ZC4H2: variants seen among roughly 807,000 people sequenced by gnomAD.
ZC4H2 encodes zinc finger C4H2 domain-containing protein.
For synonymous variants in ZC4H2, 84 were observed against 66.3 expected, an observed-to-expected ratio of 1.27 and a Z score of -1.30; for missense variants, 137 against 173.9, an observed-to-expected ratio of 0.79 and a Z score of 1.19.
chrX:64,954,368 A>T (rs1236672828), intron 1 of ZC4H2, among the ~76,000 whole-genome samples: 3 of 75,626 alleles, frequency 4.0e-5, no homozygotes, highest in Admixed American at 2.9e-4. Context: ...ATATATATAT[A>T]TATAATTATA....
At chrX:65,017,199 C>G (rs1431247679) in intron 1 of ZC4H2, among the ~76,000 whole-genome samples, 4 of 111,945 alleles carry the variant, frequency 3.6e-5, no homozygotes, top group Non-Finnish European at 7.5e-5. Flanking sequence ...ATAACCATCC[C>G]CCTTGTGAGG....
At chrX:64,967,846 C>G (rs770134051) in intron 1 of ZC4H2, among the ~76,000 whole-genome samples, 3 of 112,211 alleles carry the variant, frequency 2.7e-5, no homozygotes, top group African/African-American at 9.7e-5. Flanking sequence ...GCTTTCTAGA[C>G]AGTGGCACTA....
chrX:65,016,105 C>T (rs1447643131), intron 1 of ZC4H2, among the ~76,000 whole-genome samples: 1 of 111,489 alleles, frequency 9.0e-6, no homozygotes, highest in African/African-American at 3.3e-5. Context: ...TTAATGTGGC[C>T]GACCCTGTTA....
chrX:64,948,000 AGAT>A (rs1187613349), intron 1 of ZC4H2, among the ~76,000 whole-genome samples: 1 of 111,451 alleles, frequency 9.0e-6, no homozygotes, highest in Admixed American at 9.6e-5. Flanking sequence ...TTCTTTTAAC[AGAT>A]GATGTCAGAA....
intron 1 of ZC4H2, among the ~76,000 whole-genome samples, chrX:64,931,879 G>T (rs1437243556): frequency 1.8e-5 from 2 of 111,279 alleles, no homozygotes; most frequent in Non-Finnish European, 3.8e-5. Context: ...TTTGTTCTAG[G>T]GTATAGTTTA....
chrX:64,936,203 C>T (rs181617876), intron 1 of ZC4H2, among the ~76,000 whole-genome samples: 93 of 108,781 alleles, frequency 8.5e-4, no homozygotes, highest in African/African-American at 3.0e-3. Flanking sequence ...TGAAATAAAG[C>T]GTGAAGACAA....
chrX:64,924,940 G>A (rs975098797), intron 1 of ZC4H2, among the ~76,000 whole-genome samples: 2 of 111,232 alleles, frequency 1.8e-5, no homozygotes, highest in Non-Finnish European at 3.8e-5. Context: ...GAAGAGTGAC[G>A]TTATCTGATC....
At chrX:64,981,068 G>A (rs550308938), upstream of ZC4H2, among the ~76,000 whole-genome samples, 8 of 109,312 alleles carry the variant, frequency 7.3e-5, no homozygotes, top group South Asian at 2.8e-3. Context: ...CAGGCAGAAC[G>A]AATAGCCGGT....
intron 1 of ZC4H2, among the ~76,000 whole-genome samples, chrX:65,026,710 G>A (rs1236229011): frequency 9.4e-6 from 1 of 106,742 alleles, no homozygotes; most frequent in African/African-American, 3.4e-5. Context: ...CTCCGTCTCA[G>A]GAAAAAAAAA....
At chrX:64,953,053 C>G (rs1210960853) in intron 1 of ZC4H2, among the ~76,000 whole-genome samples, 3 of 111,566 alleles carry the variant, frequency 2.7e-5, no homozygotes, top group East Asian at 2.8e-4. Flanking sequence ...AGAAACCTGA[C>G]AAAAACAAGC....
intron 1 of ZC4H2, among the ~76,000 whole-genome samples, chrX:65,021,260 A>C (rs1932834502): frequency 9.0e-6 from 1 of 110,964 alleles, no homozygotes; most frequent in East Asian, 2.8e-4. Context: ...TCTAAAACTG[A>C]CCACTTAAAT....
chrX:65,004,918 G>A (rs974058250), intron 1 of ZC4H2, among the ~76,000 whole-genome samples: 4 of 111,665 alleles, frequency 3.6e-5, no homozygotes, highest in African/African-American at 1.3e-4. Context: ...AAAATCACAA[G>A]CATTCCTATA....
rs753433288 is a variant in ZC4H2, at chrX:64,942,985, C to T, written c.54-20997G>A. ...TCCTATTTCTCCACATCCTCTACTG[C>T]GTCTTTTGTTTCCTGACTTTTTAAT... is the stretch of plus-strand genomic sequence containing the variant. On this transcript the variant is annotated intron_variant, in intron 1 of 4. Transcript: ENST00000374839. Among the ~76,000 whole-genome samples the T allele has an allele frequency of 2.1e-4, 23 of 112,182 alleles. 1 individual carries two copies. Among genetic ancestry groups the T allele is most frequent in the Non-Finnish European group, 2.6e-4 (14 of 53,249 alleles).
intron 1 of ZC4H2, among the ~76,000 whole-genome samples, chrX:64,983,666 T>C (rs1391578838): frequency 1.8e-5 from 2 of 112,226 alleles, no homozygotes; most frequent in Non-Finnish European, 3.8e-5. Context: ...AGATAAATCA[T>C]ATATAGTGTA....
At chrX:64,999,071 T>C (rs1932481224) in intron 1 of ZC4H2, among the ~76,000 whole-genome samples, 1 of 86,532 alleles carries the variant, frequency 1.2e-5, no homozygotes, top group Non-Finnish European at 2.3e-5. Flanking sequence ...TTTTTTTTAA[T>C]CTATTCTGCC....
chrX:64,924,939 C>T (rs967773232), intron 1 of ZC4H2, among the ~76,000 whole-genome samples: 2 of 111,121 alleles, frequency 1.8e-5, no homozygotes, highest in Non-Finnish European at 3.8e-5. Context: ...GGAAGAGTGA[C>T]GTTATCTGAT....
At chrX:64,944,236 G>C (rs1379094217) in intron 1 of ZC4H2, among the ~76,000 whole-genome samples, 1 of 106,417 alleles carries the variant, frequency 9.4e-6, no homozygotes, top group Non-Finnish European at 1.9e-5. Context: ...TGCCTCTCAG[G>C]TTCATGCCAT....
chrX:64,988,267 G>T (rs1932234059), intron 1 of ZC4H2, among the ~76,000 whole-genome samples: 1 of 111,166 alleles, frequency 9.0e-6, no homozygotes, highest in Non-Finnish European at 1.9e-5. Flanking sequence ...TGATGGCTGG[G>T]TCAAATGGTA....
chrX:65,005,919 A>G (rs1341794087), intron 1 of ZC4H2, among the ~76,000 whole-genome samples: 1 of 111,736 alleles, frequency 8.9e-6, no homozygotes, highest in Non-Finnish European at 1.9e-5. Flanking sequence ...AAACTTCTCA[A>G]GGGAAGACAT....
Sources: gnomAD v4.1 joint callset for allele counts (sites outside exome capture counted in the v4.1 genomes callset) on GRCh38, gnomAD v4.1.1 for gene constraint, MANE v1.5 for transcripts, NCBI Gene and HGNC (gene_info 2026-07-23, HGNC 2026-07-21) for gene names.